Variants in NRP1 observed in about 807,000 individuals in gnomAD.
The protein encoded by NRP1 is neuropilin-1.
In NRP1, 35 loss-of-function variants were observed where a neutral mutation model predicts 106.7. The ratio of observed to expected loss-of-function variants is 0.33; its 90% CI spans 0.25 to 0.43. The LOEUF is 0.43. Among genes scored for constraint, NRP1 ranks in the 20% least tolerant of loss-of-function variants. NRP1 has a pLI of 1.00. For synonymous variants in NRP1, 437 were observed against 417.9 expected (o/e 1.05, Z -0.56); for missense variants, 1,024 against 1,170.4 (o/e 0.87, Z 1.83).
intron 6 of NRP1, among the ~76,000 whole-genome samples, chr10:33,227,306 C>T (rs1401166013): frequency 6.6e-6 from 1 of 152,312 alleles, no homozygotes; most frequent in East Asian, 1.9e-4. Flanking sequence ...AATCCCATTT[C>T]CCCTCTGTCT....
chr10:33,271,810 T>C (rs577026532), intron 2 of NRP1, among the ~76,000 whole-genome samples: 1 of 152,344 alleles, frequency 6.6e-6, no homozygotes, highest in East Asian at 1.9e-4. Flanking sequence ...CTTTTGTCTA[T>C]TTGGTGTTAT....
chr10:33,226,268 A>C lies in NRP1; in HGVS notation c.1003T>G (p.Phe335Val). 6.2e-7 allele frequency: 1 copy of C among 1,614,126 alleles called. No homozygotes were observed. The highest frequency in any genetic ancestry group is 8.5e-7 in the Non-Finnish European group (1 of 1,180,008). Reference sequence around the variant, plus strand: ...CCCTGTGTCCCGACAGCCGTGACAAAGCGCAGAAGGCCCAAGTCTACCTGC... The same window carrying C: ...CCCTGTGTCCCGACAGCCGTGACAACGCGCAGAAGGCCCAAGTCTACCTGC... ...WIQVDLGLLR[F>V]VTAVGTQGAI... is the part of the protein sequence containing the mutation. Residue 335 changes from phenylalanine (F) to valine (V), a missense_variant, in exon 7 of 17, where the codon TTT (phenylalanine) becomes GTT (valine). Around this residue, in one of 5 missense-constraint regions of NRP1, gnomAD observed 562 missense variants for 620.3 expected, o/e 0.91. Coordinates refer to ENST00000374867, the MANE Select transcript of NRP1 (RefSeq NM_003873.7).
At position 33,256,466 on chromosome 10, in the gene NRP1, G is replaced by A. The variant is rs143227333; in HGVS notation, c.664C>T (p.Pro222Ser). The A allele has an allele frequency of 8.1e-6, 13 of 1,613,852 alleles. No individual in the cohort carries two copies. Among genetic ancestry groups the A allele is most frequent in the East Asian group, 2.2e-5 (1 of 44,896 alleles). ...EIWDGFPDVG[P>S]HIGRYCGQKT... The stretch of plus-strand genomic sequence containing the variant: ...TGTCCACAGTAACGCCCAATGTGAG[G>A]GCCAACTGGAAAGGGAGGAATACAG... Residue 222 changes from proline to serine, a missense_variant, in exon 5 of 17, where the codon CCT becomes TCT. Pro to Ser is a moderately conservative substitution (Grantham distance 74, BLOSUM62 -1). Coordinates refer to ENST00000374867, the MANE Select transcript of NRP1 (RefSeq NM_003873.7).
At chr10:33,311,602 T>TTGAA (rs1388087439) in intron 2 of NRP1, among the ~76,000 whole-genome samples, 3 of 152,208 alleles carry the variant, frequency 2.0e-5, no homozygotes, top group Non-Finnish European at 2.9e-5. Flanking sequence ...TAAATATTTA[T>TTGAA]TGAATGAATG....
Position 33,196,448 on chromosome 10 carries a change from A to G in NRP1, c.1924+1202T>C, listed in dbSNP as rs576560574. On this transcript the variant is annotated intron_variant, in intron 12 of 16. Transcript: ENST00000374867. ...GAGAACTTTCAGGAAAGGTACAAAGAAAAGGAAAGGCACGGCTTTTTTCAT... is the reference window on the plus strand; with the variant it reads ...GAGAACTTTCAGGAAAGGTACAAAGGAAAGGAAAGGCACGGCTTTTTTCAT... 4.6e-5 allele frequency among the ~76,000 whole-genome samples: 7 copies of G among 152,326 alleles called. No homozygotes were observed. The South Asian group carries it at 6.2e-4, about 14-fold the overall frequency.
intron 2 of NRP1, among the ~76,000 whole-genome samples, chr10:33,314,420 G>A (rs1042323428): frequency 2.0e-5 from 3 of 152,250 alleles, no homozygotes; most frequent in African/African-American, 7.2e-5. Flanking sequence ...ACAAACTAGA[G>A]AGGTGAGAAG....
intron 9 of NRP1, among the ~76,000 whole-genome samples, chr10:33,208,700 T>C (rs1838022595): frequency 6.6e-6 from 1 of 152,112 alleles, no homozygotes; most frequent in Non-Finnish European, 1.5e-5. Context: ...TAAGGCATTG[T>C]TCTAACTGCT....
chr10:33,244,950 G>A (rs931482606), intron 6 of NRP1, among the ~76,000 whole-genome samples: 2 of 152,086 alleles, frequency 1.3e-5, no homozygotes, highest in Non-Finnish European at 2.9e-5. Context: ...AATTGTACAG[G>A]CTTCTAAAAT....
intron 6 of NRP1, among the ~76,000 whole-genome samples, chr10:33,252,835 T>G (rs961021434): frequency 6.6e-6 from 1 of 152,176 alleles, no homozygotes; most frequent in African/African-American, 2.4e-5. Context: ...TTTCTCAGTG[T>G]TGGAGGTTAG....
intron 2 of NRP1, among the ~76,000 whole-genome samples, chr10:33,271,231 C>A (rs1843293154): frequency 2.0e-5 from 3 of 152,214 alleles, no homozygotes; most frequent in Admixed American, 2.0e-4. Flanking sequence ...GCTATGCATT[C>A]TTTTCAAACT....
intron 6 of NRP1, among the ~76,000 whole-genome samples, chr10:33,253,062 C>A (rs768589437): frequency 6.7e-6 from 1 of 148,260 alleles, no homozygotes; most frequent in Admixed American, 6.7e-5. Flanking sequence ...TAGCAATAAA[C>A]GTAAGACAGG....
At chr10:33,197,822 C>T in intron 11 of NRP1, 113 bp from the exon 12 acceptor site, 1 of 498,820 alleles carries the variant, frequency 2.0e-6, no homozygotes. Context: ...ATAGAAAAAT[C>T]CTTTTAATTT....
chr10:33,232,528 G>C (rs1191345095), intron 6 of NRP1, among the ~76,000 whole-genome samples: 1 of 151,600 alleles, frequency 6.6e-6, no homozygotes, highest in Non-Finnish European at 1.5e-5. Flanking sequence ...ATTTCCCTCT[G>C]TGTGTGTGAC....
chr10:33,215,659 C>A (rs1838702186), intron 8 of NRP1, among the ~76,000 whole-genome samples: 1 of 152,194 alleles, frequency 6.6e-6, no homozygotes, highest in Non-Finnish European at 1.5e-5. Context: ...AATATAACTA[C>A]CCCTAAGTGA....
At chr10:33,243,096 C>A (rs1841143164) in intron 6 of NRP1, among the ~76,000 whole-genome samples, 1 of 152,116 alleles carries the variant, frequency 6.6e-6, no homozygotes, top group African/African-American at 2.4e-5. Context: ...CATCTTATCT[C>A]CCCCTGTGGG....
At chr10:33,268,897 T>G (rs909457643) in intron 3 of NRP1, among the ~76,000 whole-genome samples, 1 of 152,242 alleles carries the variant, frequency 6.6e-6, no homozygotes, top group Non-Finnish European at 1.5e-5. Context: ...GATGAATTTC[T>G]GAAAGTTCTC....
intron 8 of NRP1, among the ~76,000 whole-genome samples, chr10:33,220,012 C>T (rs1237330064): frequency 6.6e-6 from 1 of 152,184 alleles, no homozygotes; most frequent in Non-Finnish European, 1.5e-5. Flanking sequence ...TTTCAATGTC[C>T]TTTCTTCTTT....
intron 6 of NRP1, among the ~76,000 whole-genome samples, chr10:33,245,830 T>G (rs191357876): frequency 6.6e-6 from 1 of 152,344 alleles, no homozygotes; most frequent in East Asian, 1.9e-4. Context: ...CTATGAGTGT[T>G]TGTTTCAAAT....
intron 2 of NRP1, among the ~76,000 whole-genome samples, chr10:33,275,366 A>C (rs1052552970): frequency 1.3e-5 from 2 of 152,144 alleles, no homozygotes; most frequent in African/African-American, 4.8e-5. Flanking sequence ...CAGGAGATCG[A>C]GACCATCCTG....
Sources: allele counts gnomAD v4.1 joint callset (sites outside exome capture counted in the v4.1 genomes callset), GRCh38; gene constraint gnomAD v4.1.1; regional missense constraint gnomAD v4.1.1; transcripts MANE v1.5; gene names NCBI Gene and HGNC (gene_info 2026-07-23, HGNC 2026-07-21).